Variants in ADGRB3 observed in about 807,000 individuals in gnomAD.
ADGRB3 encodes the protein brain-specific angiogenesis inhibitor 3.
A neutral mutation model predicts 193.4 loss-of-function variants in ADGRB3; 37 were observed. The observed-to-expected ratio is 0.19, with a 90% confidence interval of 0.15 to 0.25. The LOEUF (loss-of-function observed/expected upper bound fraction) is 0.25, where lower values mean the gene tolerates loss of function less well. ADGRB3 is among the 10% of genes least tolerant of loss of function. The probability of loss-of-function intolerance (pLI) is 1.00; values close to 1 mark genes in which losing one functional copy is unlikely to be tolerated. For synonymous variants in ADGRB3, 690 were observed against 644.2 expected, an observed-to-expected ratio of 1.07 and a Z score of -1.08; for missense variants, 1,637 against 1,852.9, an observed-to-expected ratio of 0.88 and a Z score of 2.14.
intron 3 of ADGRB3, among the ~76,000 whole-genome samples, chr6:68,910,493 T>C (rs1017548439): frequency 6.6e-5 from 10 of 152,204 alleles, no homozygotes; most frequent in Non-Finnish European, 1.3e-4. Flanking sequence ...TGCCTATGTC[T>C]GAATGGTATT....
intron 17 of ADGRB3, among the ~76,000 whole-genome samples, chr6:69,144,875 T>TCTTTCTTTCTTTCTTTCTTTC (rs1774438006): frequency 2.6e-5 from 1 of 39,044 alleles, no homozygotes; most frequent in African/African-American, 7.9e-5. Flanking sequence ...TTTGTTTGAG[T>TCTTTCTTTCTTTCTTTCTTTC]GTTCTTTCTT....
At chr6:69,247,516 CTCTG>C (rs1433611762) in intron 20 of ADGRB3, among the ~76,000 whole-genome samples, 2 of 152,120 alleles carry the variant, frequency 1.3e-5, no homozygotes, top group Non-Finnish European at 2.9e-5. Context: ...TTGCTTTTTA[CTCTG>C]TCTGATAAAC....
chr6:68,819,028 C>T (rs1453519807), intron 3 of ADGRB3, among the ~76,000 whole-genome samples: 1 of 152,050 alleles, frequency 6.6e-6, no homozygotes, highest in Non-Finnish European at 1.5e-5. Context: ...GTTGCAGCAA[C>T]AATGGTTAAA....
chr6:69,217,042 G>T (rs1765784705), intron 17 of ADGRB3, among the ~76,000 whole-genome samples: 1 of 152,164 alleles, frequency 6.6e-6, no homozygotes, highest in Non-Finnish European at 1.5e-5. Flanking sequence ...TATTCTTGAA[G>T]CAATAGGGGT....
chr6:69,099,919 A>G (rs1161967710), intron 17 of ADGRB3, among the ~76,000 whole-genome samples: 2 of 152,244 alleles, frequency 1.3e-5, no homozygotes, highest in Non-Finnish European at 2.9e-5. Flanking sequence ...TTGTTTCTTT[A>G]TATGAATATT....
chr6:68,808,918 A>G (rs778686166), intron 3 of ADGRB3, among the ~76,000 whole-genome samples: 4 of 152,216 alleles, frequency 2.6e-5, no homozygotes, highest in African/African-American at 4.8e-5. Context: ...TGCCTCATAT[A>G]TACCAAGTCA....
intron 10 of ADGRB3, among the ~76,000 whole-genome samples, chr6:68,977,076 GAT>G (rs1768773104): frequency 6.7e-6 from 1 of 148,382 alleles, no homozygotes; most frequent in Admixed American, 6.8e-5. Context: ...ATTATATGCA[GAT>G]ATATAAATAT....
At chr6:69,084,095 G>T (rs1338526067) in intron 17 of ADGRB3, among the ~76,000 whole-genome samples, 1 of 151,956 alleles carries the variant, frequency 6.6e-6, no homozygotes, top group African/African-American at 2.4e-5. Flanking sequence ...GTTACTTTTG[G>T]TCATTGAGTT....
intron 3 of ADGRB3, among the ~76,000 whole-genome samples, chr6:68,782,513 A>C (rs369623864): frequency 5.3e-5 from 8 of 152,072 alleles, no homozygotes; most frequent in East Asian, 3.9e-4. Context: ...GGGTCAAATG[A>C]TATTTCTAGT....
intron 3 of ADGRB3, among the ~76,000 whole-genome samples, chr6:68,779,702 C>A (rs1381006457): frequency 6.6e-6 from 1 of 152,038 alleles, no homozygotes; most frequent in Non-Finnish European, 1.5e-5. Flanking sequence ...TTTTTTAAAT[C>A]TGAGGCTTAG....
chr6:69,030,198 C>T (rs148530692), intron 13 of ADGRB3, among the ~76,000 whole-genome samples: 12,092 of 152,160 alleles, frequency 0.079, 596 homozygotes, highest in Non-Finnish European at 0.12. Flanking sequence ...TTGTGGAAGA[C>T]AGTGTGGTGA....
chr6:69,368,785 G>A (rs1769641905), intron 29 of ADGRB3, among the ~76,000 whole-genome samples: 1 of 151,960 alleles, frequency 6.6e-6, no homozygotes, highest in African/African-American at 2.4e-5. Flanking sequence ...CCAATAAGAT[G>A]GACAGAAAAT....
chr6:68,685,027 A>G (rs796578114), intron 3 of ADGRB3, among the ~76,000 whole-genome samples: 10 of 152,296 alleles, frequency 6.6e-5, no homozygotes, highest in African/African-American at 1.7e-4. Flanking sequence ...GGAAACTCAG[A>G]CTAAAAGTTT....
At chr6:68,810,911 G>A (rs931536431) in intron 3 of ADGRB3, among the ~76,000 whole-genome samples, 3 of 152,036 alleles carry the variant, frequency 2.0e-5, no homozygotes, top group Non-Finnish European at 4.4e-5. Context: ...TGCTAAACTT[G>A]CAAGTAATTA....
At chr6:69,039,554 G>C (rs1028574688) in intron 13 of ADGRB3, among the ~76,000 whole-genome samples, 1 of 152,002 alleles carries the variant, frequency 6.6e-6, no homozygotes, top group East Asian at 1.9e-4. Context: ...CATGAAAGTA[G>C]ACAGGAACAA....
intron 3 of ADGRB3, among the ~76,000 whole-genome samples, chr6:68,913,651 G>A (rs1411993630): frequency 6.6e-6 from 1 of 152,176 alleles, no homozygotes; most frequent in Non-Finnish European, 1.5e-5. Context: ...CTCCTCCAAA[G>A]GAACACAGTT....
At chr6:69,017,363 T>G (rs886812622) in intron 12 of ADGRB3, among the ~76,000 whole-genome samples, 1 of 151,932 alleles carries the variant, frequency 6.6e-6, no homozygotes, top group Non-Finnish European at 1.5e-5. Context: ...TTTTCATGGC[T>G]AGAAAATGCA....
intron 21 of ADGRB3, among the ~76,000 whole-genome samples, chr6:69,327,135 A>G (rs1374616418): frequency 2.1e-5 from 3 of 143,688 alleles, no homozygotes; most frequent in South Asian, 2.1e-4. Flanking sequence ...AAAAGAAGGC[A>G]TAACCAAAAC....
intron 3 of ADGRB3, among the ~76,000 whole-genome samples, chr6:68,721,740 G>A (rs1244072803): frequency 8.7e-5 from 13 of 149,532 alleles, no homozygotes; most frequent in Middle Eastern, 3.6e-3. Flanking sequence ...TCTTAGCAGA[G>A]GAAAGGAAAG....
Sources: gnomAD v4.1 joint callset for allele counts (sites outside exome capture counted in the v4.1 genomes callset) on GRCh38, gnomAD v4.1.1 for gene constraint, MANE v1.5 for transcripts, NCBI Gene and HGNC (gene_info 2026-07-23, HGNC 2026-07-21) for gene names.